Variants in FBN3 observed in about 807,000 individuals in gnomAD.
FBN3 encodes the protein fibrillin-3.
A neutral mutation model predicts 330.1 loss-of-function variants in FBN3; 234 were observed. The observed-to-expected ratio is 0.71, with a 90% CI of 0.64 to 0.79. FBN3 has a LOEUF of 0.79. Among genes scored for constraint, FBN3 ranks in the 30% least tolerant of loss-of-function variants. The pLI, the probability that FBN3 is intolerant of heterozygous loss-of-function variation, is 0.00. For missense variants in FBN3, 3,606 were observed against 3,886.9 expected, an observed-to-expected ratio of 0.93 and a Z score of 1.92; for synonymous variants, 1,458 against 1,517.3, an observed-to-expected ratio of 0.96 and a Z score of 0.91.
rs1197538463 is a variant in FBN3 at position 8,117,207 on chromosome 19, T to G, written c.3548A>C (p.Gln1183Pro). The G allele has an allele frequency of 6.2e-7, 1 of 1,613,934 alleles. No homozygotes were observed. The highest frequency in any genetic ancestry group is 1.1e-5 in the South Asian group (1 of 91,088). The part of the protein sequence containing the change: ...TEGSYRCSCG[Q>P]GYSLMPDGRA... ...TCCGTCGGGCATCAGCGAGTAGCCC[T>G]GCCCACAGCTGCACCGGTAGCTGCC... The change falls in exon 28 of 64, where the codon CAG (glutamine) becomes CCG (proline). Residue 1183 changes from glutamine to proline, a missense_variant. By Grantham distance (76) the Gln-to-Pro change is moderately conservative (BLOSUM62 -1). Coordinates refer to ENST00000600128, the MANE Select transcript of FBN3 (RefSeq NM_032447.5).
intron 26 of FBN3, among the ~76,000 whole-genome samples, chr19:8,118,096 AAC>A (rs1389267417): frequency 2.0e-5 from 3 of 151,610 alleles, no homozygotes; most frequent in African/African-American, 7.3e-5. Context: ...CACACACATA[AAC>A]ACACCCTCAA....
intron 41 of FBN3, among the ~76,000 whole-genome samples, chr19:8,098,168 T>C (rs574378412): frequency 2.6e-4 from 40 of 152,134 alleles, no homozygotes; most frequent in Admixed American, 7.9e-4. Flanking sequence ...CTGTTATATA[T>C]AAACAATCTA....
intron 63 of FBN3, among the ~76,000 whole-genome samples, chr19:8,068,736 T>TA (rs1053546707): frequency 6.6e-6 from 1 of 151,298 alleles, no homozygotes; most frequent in Non-Finnish European, 1.5e-5. Context: ...AATAAATCAA[T>TA]AAAAAAATAA....
chr19:8,130,664 A>AAAGGAAAGGAAAG lies in FBN3; in HGVS notation c.2044+570_2044+571insCTTTCCTTTCCTT, dbSNP rs1165459894. Among the ~76,000 whole-genome samples the AAAGGAAAGGAAAG allele has an allele frequency of 5.2e-3, 113 of 21,676 alleles. 5 individuals are homozygous for AAAGGAAAGGAAAG. Among genetic ancestry groups the AAAGGAAAGGAAAG allele is most frequent in the Middle Eastern group, 0.02 (1 of 50 alleles). The allele number at this position is 21,676 out of a possible 152,430, so 14.2% of individuals were successfully genotyped here. On this transcript the variant is annotated intron_variant, in intron 16 of 63. Coordinates refer to ENST00000600128, the MANE Select transcript of FBN3 (RefSeq NM_032447.5). ...AGAAAGGAAAGGAAAGGAAAGGAAA[A>AAAGGAAAGGAAAG]GAAAAGAAAAGAAAAGAAAAGAAAA...
chr19:8,075,488 C>G (rs2081620107), intron 59 of FBN3, 77 bp from the exon 60 acceptor site: 1 of 1,485,664 alleles, frequency 6.7e-7, no homozygotes, highest in Non-Finnish European at 9.2e-7. Flanking sequence ...CCAGTCCCAC[C>G]ACTGTGTGGC....
chr19:8,087,530 T>A (rs1294861686), intron 53 of FBN3, among the ~76,000 whole-genome samples: 1 of 151,712 alleles, frequency 6.6e-6, no homozygotes, highest in Non-Finnish European at 1.5e-5. Flanking sequence ...TCTCCCACGC[T>A]TGACACTATG....
At position 8,096,973 on chromosome 19, in the gene FBN3, C is replaced by T. The variant is rs1453397577; in HGVS notation, c.5321G>A (p.Cys1774Tyr). 8.1e-6 allele frequency: 13 copies of T among 1,613,608 alleles called. No homozygotes were observed. The Admixed American group carries it at 2.0e-4, about 25-fold the overall frequency. ...GTTGATGCAGTCAGCATTCTGCTGG[C>T]AGGGACTCTCCCTGCTGCCACACTC... ...VDECGSRESP[C>Y]QQNADCINIP... The change falls in exon 43 of 64, where the codon TGC (cysteine) becomes TAC (tyrosine). Residue 1774 changes from cysteine (C) to tyrosine (Y), a missense_variant. By Grantham distance (194) the Cys-to-Tyr change is radical. Coordinates refer to ENST00000600128, the MANE Select transcript of FBN3 (RefSeq NM_032447.5). The surrounding 1 kb of genome is among the most constrained non-coding windows in gnomAD (Gnocchi z 4.6).
chr19:8,086,178 G>A, intron 55 of FBN3, 22 bp downstream of exon 55: 7 of 1,569,750 alleles, frequency 4.5e-6, no homozygotes, highest in Non-Finnish European at 6.1e-6. Flanking sequence ...TGCAACCACT[G>A]TGCGTGTCCA....
At position 8,129,112 on chromosome 19, in the gene FBN3, C is replaced by T. The variant is rs1299491566; in HGVS notation, c.2212G>A (p.Gly738Arg). Reference sequence around the variant, plus strand: ...CTGCCAGGGCTATTCTGGCACCACCCGTTGTCACACAGGAGGCTGTTGAGG... The same window carrying T: ...CTGCCAGGGCTATTCTGGCACCACCTGTTGTCACACAGGAGGCTGTTGAGG... ...CALNSLLCDNGWCQNSPGSYS... is the reference protein window; with the variant it reads ...CALNSLLCDNRWCQNSPGSYS... Residue 738 changes from glycine (G) to arginine (R), a missense_variant, in exon 18 of 64, where the codon GGG (glycine) becomes AGG (arginine). By Grantham distance (125) the Gly-to-Arg change is moderately radical (BLOSUM62 -2). Coordinates refer to ENST00000600128, the MANE Select transcript of FBN3 (RefSeq NM_032447.5). This position sits in a 1 kb window ranked among gnomAD's most constrained non-coding sequence, Gnocchi z 4.5. The T allele has an allele frequency of 5.0e-6, 8 of 1,608,122 alleles. No individual in the cohort carries two copies. Among genetic ancestry groups the T allele is most frequent in the Admixed American group, 3.3e-5 (2 of 59,750 alleles).
Position 8,096,576 on chromosome 19 carries a change from G to C in FBN3, c.5414-7C>G. On this transcript the variant is annotated splice_region_variant and splice_polypyrimidine_tract_variant and intron_variant, in intron 43 of 63. Coordinates refer to ENST00000600128, the MANE Select transcript of FBN3 (RefSeq NM_032447.5). This position sits in a 1 kb window ranked among gnomAD's most constrained non-coding sequence, Gnocchi z 4.6. ...TCCCGACACTCATTCCGTCCTGGGG[G>C]TGCAGAGAGCATGGTGTTCCCAGGG... is the stretch of plus-strand genomic sequence containing the variant. 6.2e-7 allele frequency: 1 copy of C among 1,607,518 alleles called. No individual in the cohort carries two copies. Among genetic ancestry groups the C allele is most frequent in the Non-Finnish European group, 8.5e-7 (1 of 1,177,418 alleles).
chr19:8,136,149 C>T (rs547636831), intron 12 of FBN3, 41 bp downstream of exon 12: 2 of 1,612,556 alleles, frequency 1.2e-6, no homozygotes, highest in Admixed American at 3.3e-5. Context: ...GGGCCAGAAC[C>T]CCCAACAACA....
At chr19:8,085,677 G>T (rs889252859) in intron 55 of FBN3, 108 bp from the exon 56 acceptor site, 5 of 835,474 alleles carry the variant, frequency 6.0e-6, no homozygotes, top group Non-Finnish European at 9.1e-6. Flanking sequence ...TGGGGACAGG[G>T]GTGTCCAGGA....
chr19:8,123,934 T>C lies in FBN3; in HGVS notation c.2806A>G (p.Met936Val). The C allele has an allele frequency of 9.9e-6, 16 of 1,614,036 alleles. No individual in the cohort carries two copies. Among genetic ancestry groups the C allele is most frequent in the Non-Finnish European group, 1.4e-5 (16 of 1,180,024 alleles). Reference protein sequence around the residue: ...CGVTLPGKYRMDVCCCSIGAV... With the variant: ...CGVTLPGKYRVDVCCCSIGAV... ...CCGATGGAGCAGCAGCAGACGTCCA[T>C]CCGGTACTTGCCAGGCAGGGTGACC... is the stretch of plus-strand genomic sequence containing the variant. Residue 936 changes from methionine (M) to valine (V), a missense_variant, in exon 23 of 64, where the codon ATG (methionine) becomes GTG (valine). By Grantham distance (21) the Met-to-Val change is conservative (BLOSUM62 1). Transcript: ENST00000600128.
intron 7 of FBN3, 35 bp downstream of exon 7, chr19:8,141,905 A>G: frequency 3.7e-6 from 6 of 1,612,918 alleles, no homozygotes; most frequent in East Asian, 2.2e-5. Context: ...CAAGGCAGCT[A>G]AGGCCTCCCA....
chr19:8,135,936 G>GGGGGGGGGGGGGGCGCCCCCC, intron 13 of FBN3, 25 bp downstream of exon 13: 2 of 668,776 alleles, frequency 3.0e-6, no homozygotes, highest in Non-Finnish European at 2.4e-6. Context: ...GGAAGCCCCT[G>GGGGGGGGGGGGGGCGCCCCCC]CCCACCCGCC....
rs528849979 is a variant in FBN3, at chr19:8,141,979, G to T, written c.700C>A (p.Arg234Ser). The T allele has an allele frequency of 1.2e-6, 2 of 1,614,126 alleles. No individual in the cohort carries two copies. Among genetic ancestry groups the T allele is most frequent in the Non-Finnish European group, 8.5e-7 (1 of 1,180,012 alleles). Reference protein sequence around the residue: ...LCPAQPHPCRRGFIPNIHTGA... With the variant: ...LCPAQPHPCRSGFIPNIHTGA... ...GTGTGGATATTGGGGATGAAGCCGC[G>T]GCGGCAGGGGTGTGGCTGTGCAGGG... The change falls in exon 7 of 64, where the codon CGC becomes AGC. Residue 234 changes from arginine (R) to serine (S), a missense_variant. Physicochemically the swap from Arg to Ser is moderately radical, Grantham distance 110 (BLOSUM62 -1). Coordinates refer to ENST00000600128, the MANE Select transcript of FBN3 (RefSeq NM_032447.5).
intron 25 of FBN3, 112 bp from the exon 26 acceptor site, chr19:8,119,134 G>A: frequency 7.7e-7 from 1 of 1,305,396 alleles, no homozygotes; most frequent in East Asian, 2.5e-5. Flanking sequence ...CTTCACCCCA[G>A]CGGGAGCCAG....
intron 24 of FBN3, among the ~76,000 whole-genome samples, 179 bp downstream of exon 24, chr19:8,123,285 C>T (rs1453738704): frequency 6.6e-6 from 1 of 151,446 alleles, no homozygotes; most frequent in African/African-American, 2.4e-5. Context: ...ACCTGGGAGG[C>T]GGAGGTTGCA....
In FBN3 at chr19:8,094,483, A is replaced by G; in HGVS notation, c.5868T>C (p.Cys1956=). 1 of 1,613,646 alleles carries G rather than the reference A, an allele frequency of 6.2e-7. No individual in the cohort carries two copies. The highest frequency in any genetic ancestry group is 1.1e-5 in the South Asian group (1 of 91,026). ...QNLEGSFRCI[C]PPGFQVQSDH... The stretch of plus-strand genomic sequence containing the variant: ...CACTCTGCACCTGGAAGCCAGGGGG[A>G]CAGATGCAGCGGAAGGAGCCCTCGA... The change falls in exon 47 of 64, where the codon TGT becomes TGC. Residue 1956 remains cysteine, a synonymous_variant. Transcript: ENST00000600128.
Sources: allele counts gnomAD v4.1 joint callset (sites outside exome capture counted in the v4.1 genomes callset), GRCh38; gene constraint gnomAD v4.1.1; non-coding constraint Gnocchi (gnomAD v3.1); transcripts MANE v1.5; gene names NCBI Gene and HGNC (gene_info 2026-07-23, HGNC 2026-07-21).